IL1RAPL2: variants seen among roughly 807,000 people sequenced by gnomAD.
The protein encoded by IL1RAPL2 is interleukin 1 receptor accessory protein like 2, also known as X-linked interleukin-1 receptor accessory protein-like 2.
IL1RAPL2 carries 3 observed loss-of-function variants against 44.1 expected under a neutral mutation model. That is an observed-to-expected ratio of 0.07 (90% CI 0.03 to 0.18). IL1RAPL2 has a LOEUF of 0.18. Ranked by LOEUF, IL1RAPL2 falls within the 10% of genes least tolerant of loss-of-function variation. The probability of loss-of-function intolerance (pLI) is 1.00; values close to 1 mark genes in which losing one functional copy is unlikely to be tolerated. For missense variants in IL1RAPL2, 391 were observed against 496.4 expected (o/e 0.79, Z 2.02); for synonymous variants, 181 against 178.8 (o/e 1.01, Z -0.10).
chrX:105,320,775 T>C (rs768167708), intron 5 of IL1RAPL2, among the ~76,000 whole-genome samples: 3 of 111,393 alleles, frequency 2.7e-5, no homozygotes, highest in Non-Finnish European at 5.7e-5. Flanking sequence ...TGTATAAGCC[T>C]GTGAGTGAAG....
At chrX:104,598,595 T>A (rs975978742) in intron 1 of IL1RAPL2, among the ~76,000 whole-genome samples, 5 of 112,348 alleles carry the variant, frequency 4.5e-5, no homozygotes, top group Non-Finnish European at 7.5e-5. Flanking sequence ...GATGCCTCTG[T>A]GTTAGGTTCT....
At chrX:105,087,809 T>G (rs2032496882) in intron 2 of IL1RAPL2, among the ~76,000 whole-genome samples, 1 of 112,364 alleles carries the variant, frequency 8.9e-6, no homozygotes, top group African/African-American at 3.2e-5. Context: ...TGTTGTCTTG[T>G]AACCTTTGAG....
At chrX:104,814,465 A>G (rs908878024) in intron 2 of IL1RAPL2, among the ~76,000 whole-genome samples, 10 of 112,454 alleles carry the variant, frequency 8.9e-5, no homozygotes, top group African/African-American at 2.9e-4. Context: ...CCATACTTAT[A>G]TTTTATCATC....
chrX:104,857,308 A>G (rs1161426629), intron 2 of IL1RAPL2, among the ~76,000 whole-genome samples: 1 of 111,744 alleles, frequency 8.9e-6, no homozygotes, highest in Non-Finnish European at 1.9e-5. Context: ...GAGAAATGAC[A>G]TTATTCTCTT....
At chrX:105,560,471 T>C (rs1417112364) in intron 6 of IL1RAPL2, among the ~76,000 whole-genome samples, 1 of 111,334 alleles carries the variant, frequency 9.0e-6, no homozygotes, top group Non-Finnish European at 1.9e-5. Flanking sequence ...CAGGCTGTAG[T>C]GCAGTGGCGC....
intron 2 of IL1RAPL2, among the ~76,000 whole-genome samples, chrX:105,042,346 T>A (rs2031758655): frequency 9.1e-6 from 1 of 110,374 alleles, no homozygotes; most frequent in Non-Finnish European, 1.9e-5. Context: ...AGGGCTAATA[T>A]CCAGAATCTG....
chrX:105,139,833 A>C (rs866001059), intron 2 of IL1RAPL2, among the ~76,000 whole-genome samples: 2 of 112,402 alleles, frequency 1.8e-5, no homozygotes, highest in Non-Finnish European at 3.8e-5. Flanking sequence ...ATTCCATAGA[A>C]AACAAGTAGC....
intron 2 of IL1RAPL2, among the ~76,000 whole-genome samples, chrX:105,046,570 G>A (rs2031839321): frequency 1.8e-5 from 2 of 110,735 alleles, no homozygotes; most frequent in African/African-American, 6.6e-5. Context: ...ATTCCTCTTT[G>A]TCCAGTCCCT....
chrX:105,557,931 G>A (rs1386560317), intron 6 of IL1RAPL2, among the ~76,000 whole-genome samples: 3 of 111,323 alleles, frequency 2.7e-5, no homozygotes, highest in African/African-American at 9.8e-5. Context: ...AATGAAGCAC[G>A]CATAACACCT....
At chrX:105,367,601 CAACTT>C (rs1281687115) in intron 5 of IL1RAPL2, among the ~76,000 whole-genome samples, 1 of 111,727 alleles carries the variant, frequency 9.0e-6, no homozygotes, top group Non-Finnish European at 1.9e-5. Context: ...AAGCTGGTGA[CAACTT>C]AACTTTGAAC....
At chrX:104,971,223 C>T (rs1365936430) in intron 2 of IL1RAPL2, among the ~76,000 whole-genome samples, 7 of 110,147 alleles carry the variant, frequency 6.4e-5, no homozygotes, top group African/African-American at 1.3e-4. Flanking sequence ...TGAGGCAGGC[C>T]GGTAATCCCA....
At chrX:105,487,107 A>AG (rs1277704749) in intron 6 of IL1RAPL2, among the ~76,000 whole-genome samples, 345 of 109,244 alleles carry the variant, frequency 3.2e-3, no homozygotes, top group Non-Finnish European at 4.9e-3. Context: ...AAAAAAAAAA[A>AG]AAAAATAGTA....
chrX:105,170,129 T>TA (rs2033410741), intron 2 of IL1RAPL2, among the ~76,000 whole-genome samples: 3 of 110,783 alleles, frequency 2.7e-5, no homozygotes, highest in Non-Finnish European at 5.7e-5. Flanking sequence ...AATGACCCTC[T>TA]AAAAAAATGT....
At chrX:105,582,609 T>G (rs1328572600) in intron 6 of IL1RAPL2, among the ~76,000 whole-genome samples, 1 of 111,210 alleles carries the variant, frequency 9.0e-6, no homozygotes, top group African/African-American at 3.2e-5. Context: ...TTCAGCTTTT[T>G]ACTGTCAAGT....
chrX:104,893,169 T>A (rs1426897793), intron 2 of IL1RAPL2, among the ~76,000 whole-genome samples: 2 of 111,961 alleles, frequency 1.8e-5, no homozygotes, highest in East Asian at 5.6e-4. Flanking sequence ...TTGTTATAAT[T>A]TCTGTTCTTT....
intron 1 of IL1RAPL2, among the ~76,000 whole-genome samples, chrX:104,651,985 G>A (rs1930161490): frequency 8.9e-6 from 1 of 111,734 alleles, no homozygotes; most frequent in Admixed American, 9.5e-5. Context: ...GTGATCCCAG[G>A]AAGTACTGCA....
At position 105,755,331 on chromosome X, in the gene IL1RAPL2, C is replaced by T; in HGVS notation, c.1347C>T (p.Asp449=). The change falls in exon 10 of 11, where the codon GAC becomes GAT. Residue 449 remains aspartate (D), a synonymous_variant. Coordinates refer to ENST00000372582, the MANE Select transcript of IL1RAPL2 (RefSeq NM_017416.2). Reference sequence around the variant, plus strand: ...ATAAACTCTTCATCCCAGAAAGAGACCTGATTCCAAGTGGAAGTAAGTACT... The same window carrying T: ...ATAAACTCTTCATCCCAGAAAGAGATCTGATTCCAAGTGGAAGTAAGTACT... ...YGYKLFIPER[D]LIPSGTYMED... 1 of 1,192,777 alleles carries T rather than the reference C, an allele frequency of 8.4e-7. No homozygotes were observed. Among genetic ancestry groups the T allele is most frequent in the East Asian group, 3.0e-5 (1 of 33,606 alleles).
intron 2 of IL1RAPL2, among the ~76,000 whole-genome samples, chrX:104,871,101 C>A (rs956143337): frequency 9.0e-6 from 1 of 111,147 alleles, no homozygotes; most frequent in African/African-American, 3.3e-5. Context: ...TCTTAAATGT[C>A]TATAATGGAA....
chrX:105,333,183 A>G (rs900838750), intron 5 of IL1RAPL2, among the ~76,000 whole-genome samples: 8 of 111,473 alleles, frequency 7.2e-5, no homozygotes, highest in Non-Finnish European at 1.3e-4. Flanking sequence ...GGCCAATGGA[A>G]CAGAATAAAG....
Sources: gnomAD v4.1 joint callset for allele counts (sites outside exome capture counted in the v4.1 genomes callset) on GRCh38, gnomAD v4.1.1 for gene constraint, MANE v1.5 for transcripts, NCBI Gene and HGNC (gene_info 2026-07-23, HGNC 2026-07-21) for gene names.